Variants in COG6 observed in about 807,000 individuals in gnomAD.
COG6 encodes the protein component of oligomeric golgi complex 6.
A neutral mutation model predicts 88.8 loss-of-function variants in COG6; 74 were observed. The ratio of observed to expected loss-of-function variants is 0.83; its 90% CI spans 0.69 to 1.01. The LOEUF is 1.01. COG6 is among the 50% of genes least tolerant of loss of function. COG6 has a pLI of 0.00. For missense variants in COG6, 800 were observed against 797.9 expected (o/e 1.00, Z -0.03); for synonymous variants, 286 against 278.7 (o/e 1.03, Z -0.26).
intron 11 of COG6, among the ~76,000 whole-genome samples, chr13:39,693,555 TA>T (rs1159483016): frequency 6.6e-6 from 1 of 152,022 alleles, no homozygotes; most frequent in Admixed American, 6.6e-5. Context: ...GGCCTTGATT[TA>T]AAAATAAATC....
rs117602380 is a variant in COG6, at chr13:39,665,257, A to G, written c.428+103A>G. 945 of 716,874 alleles carry G rather than the reference A, an allele frequency of 1.3e-3. 5 individuals are homozygous for G. Among genetic ancestry groups the G allele is most frequent in the South Asian group, 3.9e-3 (247 of 62,758 alleles). 44.4% of individuals were successfully genotyped at this position (716,874 alleles called of 1,614,324 possible). ...CAGAATTAAAGCAGAATAATAAAAA[A>G]CATGGTTCATAAGGTCCTAAACTAT... On this transcript the variant is annotated intron_variant, in intron 4 of 18. Transcript: ENST00000455146.
chr13:39,742,127 C>T (rs561555977), intron 18 of COG6, among the ~76,000 whole-genome samples: 9 of 152,082 alleles, frequency 5.9e-5, no homozygotes, highest in Non-Finnish European at 1.2e-4. Context: ...AAGGAACAGC[C>T]GGTACCAGCC....
intron 18 of COG6, among the ~76,000 whole-genome samples, chr13:39,765,380 A>T (rs554039091): frequency 6.6e-6 from 1 of 152,332 alleles, no homozygotes; most frequent in Non-Finnish European, 1.5e-5. Context: ...CTTCTCTCCC[A>T]GACCCTGGAT....
chr13:39,682,401 A>C (rs1378428184), intron 8 of COG6, 137 bp downstream of exon 8: 1 of 634,158 alleles, frequency 1.6e-6, no homozygotes, highest in African/African-American at 1.8e-5. Context: ...TGTTCACCTT[A>C]ACTTGAATTT....
intron 18 of COG6, among the ~76,000 whole-genome samples, chr13:39,730,525 C>T (rs578103016): frequency 6.6e-6 from 1 of 151,684 alleles, no homozygotes; most frequent in South Asian, 2.1e-4. Context: ...CCTGTAATCC[C>T]AGCACTTTGG....
chr13:39,745,699 A>G (rs1303457996), intron 18 of COG6, among the ~76,000 whole-genome samples: 1 of 152,028 alleles, frequency 6.6e-6, no homozygotes, highest in Non-Finnish European at 1.5e-5. Flanking sequence ...AAGGATCTAG[A>G]ACTAGTTTTT....
At chr13:39,733,529 T>G (rs1266987179) in intron 18 of COG6, among the ~76,000 whole-genome samples, 3 of 151,930 alleles carry the variant, frequency 2.0e-5, no homozygotes, top group Non-Finnish European at 4.4e-5. Flanking sequence ...TATGCTTTTC[T>G]CTATTATTTT....
intron 13 of COG6, among the ~76,000 whole-genome samples, chr13:39,701,828 A>G (rs998667710): frequency 1.3e-5 from 2 of 151,990 alleles, no homozygotes; most frequent in African/African-American, 2.4e-5. Context: ...CTGAAAATAG[A>G]TGCATTAGGC....
rs202012445 is a variant in COG6, at chr13:39,719,744, A to T, written c.1501A>T (p.Met501Leu). 9.3e-6 allele frequency: 15 copies of T among 1,612,490 alleles called. No homozygotes were observed. Among genetic ancestry groups the T allele is most frequent in the Non-Finnish European group, 1.3e-5 (15 of 1,178,848 alleles). ...NLGTADMATF[M>L]VNSLYMMKTT... ...AGGCACAGCTGACATGGCCACTTTC[A>T]TGGTCAATTCACTATATATGATGAA... Residue 501 changes from methionine to leucine, a missense_variant, in exon 15 of 19, where the codon ATG becomes TTG. Met to Leu is a conservative substitution (Grantham distance 15). Transcript: ENST00000455146.
intron 8 of COG6, among the ~76,000 whole-genome samples, chr13:39,683,777 C>T (rs1255366892): frequency 1.3e-5 from 2 of 150,344 alleles, no homozygotes; most frequent in East Asian, 1.9e-4. Flanking sequence ...GTGTTTTGGG[C>T]ACCTTTGTTT....
chr13:39,661,786 C>T (rs1343618545), intron 3 of COG6, among the ~76,000 whole-genome samples: 2 of 151,440 alleles, frequency 1.3e-5, no homozygotes, highest in African/African-American at 2.4e-5. Context: ...CTTTATTCCT[C>T]AGTGGTTGAT....
intron 18 of COG6, among the ~76,000 whole-genome samples, chr13:39,750,497 G>GT (rs1880565005): frequency 6.6e-6 from 1 of 152,176 alleles, no homozygotes; most frequent in South Asian, 2.1e-4. Context: ...TGTAAAAGCT[G>GT]TAAGGTGAAA....
intron 1 of COG6, among the ~76,000 whole-genome samples, chr13:39,658,850 C>T (rs1160398881): frequency 6.6e-6 from 1 of 152,090 alleles, no homozygotes; most frequent in African/African-American, 2.4e-5. Context: ...TGGAGGATTC[C>T]AGTACTTATT....
chr13:39,733,682 A>G (rs1879583833), intron 18 of COG6, among the ~76,000 whole-genome samples: 1 of 151,744 alleles, frequency 6.6e-6, no homozygotes, highest in South Asian at 2.1e-4. Flanking sequence ...TTCCCTTCTC[A>G]TCTATTTCTT....
chr13:39,791,033 T>C (rs1246301811), exon 19 of COG6: 1 of 152,070 alleles, frequency 6.6e-6, no homozygotes, highest in African/African-American at 2.4e-5. Context: ...GACTGTTGCC[T>C]CAGGAACAGT....
intron 18 of COG6, among the ~76,000 whole-genome samples, chr13:39,769,351 A>G (rs1028905308): frequency 6.6e-6 from 1 of 152,208 alleles, no homozygotes; most frequent in Non-Finnish European, 1.5e-5. Flanking sequence ...GGCAGTTGCA[A>G]TATTCCAGAT....
intron 5 of COG6, among the ~76,000 whole-genome samples, chr13:39,678,723 C>T (rs9594362): frequency 2.0e-5 from 3 of 151,812 alleles, no homozygotes; most frequent in Admixed American, 2.0e-4. Flanking sequence ...CACTGAGTGT[C>T]TCTGAGTAGG....
intron 5 of COG6, chr13:39,678,115 G>A (rs1226787778): frequency 1.1e-5 from 5 of 437,516 alleles, no homozygotes; most frequent in Non-Finnish European, 1.8e-5. Context: ...CAACCTGGCT[G>A]GAGTGCAGTA....
intron 18 of COG6, among the ~76,000 whole-genome samples, chr13:39,760,539 C>CA (rs1393140633): frequency 1.3e-5 from 2 of 151,914 alleles, no homozygotes; most frequent in Non-Finnish European, 2.9e-5. Flanking sequence ...CTAAATCTTA[C>CA]AAAAAAGAAA....
Sources: gnomAD v4.1 joint callset for allele counts (sites outside exome capture counted in the v4.1 genomes callset) on GRCh38, gnomAD v4.1.1 for gene constraint, MANE v1.5 for transcripts, NCBI Gene and HGNC (gene_info 2026-07-23, HGNC 2026-07-21) for gene names.